The following TMEM182 variants were observed in gnomAD, a reference collection of about 807,000 sequenced individuals.
TMEM182 encodes the protein transmembrane protein 182.
A neutral mutation model predicts 26.8 loss-of-function variants in TMEM182; 20 were observed. The ratio of observed to expected loss-of-function variants is 0.75; its 90% CI spans 0.53 to 1.09. TMEM182 has a LOEUF of 1.09. Among genes scored for constraint, TMEM182 ranks in the 50% least tolerant of loss-of-function variants. The pLI, the probability that TMEM182 is intolerant of heterozygous loss-of-function variation, is 0.00. For synonymous variants in TMEM182, 109 were observed against 102.2 expected, an observed-to-expected ratio of 1.07 and a Z score of -0.40; for missense variants, 277 against 275.5, an observed-to-expected ratio of 1.01 and a Z score of -0.04.
At chr2:102,812,937 C>A (rs1349783251) in intron 4 of TMEM182, among the ~76,000 whole-genome samples, 3 of 152,160 alleles carry the variant, frequency 2.0e-5, no homozygotes, top group Non-Finnish European at 2.9e-5. Flanking sequence ...TGCTAGACAA[C>A]ACATGGAATT....
intron 1 of TMEM182, among the ~76,000 whole-genome samples, chr2:102,737,369 C>CTGA (rs1259905932): frequency 2.6e-5 from 4 of 152,110 alleles, no homozygotes; most frequent in African/African-American, 9.7e-5. Context: ...TGGTCTATGC[C>CTGA]TGAGTTGAGA....
At chr2:102,764,955 T>A (rs1471965012) in intron 3 of TMEM182, among the ~76,000 whole-genome samples, 2 of 151,996 alleles carry the variant, frequency 1.3e-5, no homozygotes, top group East Asian at 3.8e-4. Context: ...ATCATTAACT[T>A]AAAATCACAT....
At chr2:102,821,438 T>C (rs116731486), downstream of TMEM182, among the ~76,000 whole-genome samples, 1,296 of 152,176 alleles carry the variant, frequency 8.5e-3, 20 homozygotes, top group African/African-American at 0.03. Flanking sequence ...CTTCCTCCCC[T>C]ACTCTCTCTT....
chr2:102,823,623 A>G (rs1324301428), intron 3 of TMEM182, among the ~76,000 whole-genome samples: 1 of 152,184 alleles, frequency 6.6e-6, no homozygotes, highest in East Asian at 1.9e-4. Context: ...GTGAGCCACC[A>G]TGCCCAGCCA....
chr2:102,756,172 G>A (rs1680025946), intron 1 of TMEM182, among the ~76,000 whole-genome samples: 1 of 152,164 alleles, frequency 6.6e-6, no homozygotes. Context: ...AAATTAGTCT[G>A]GTTTGGTGAA....
chr2:102,780,566 G>T (rs1352037212), intron 3 of TMEM182, among the ~76,000 whole-genome samples: 2 of 152,268 alleles, frequency 1.3e-5, no homozygotes, highest in Non-Finnish European at 1.5e-5. Context: ...GTTAGAAGGG[G>T]CTACCTCATT....
In TMEM182 at chr2:102,817,357, T is replaced by TA. The variant is rs1335872747; in HGVS notation, c.*2390dup. 59 of 985,322 alleles carry TA rather than the reference T, an allele frequency of 6.0e-5. No individual in the cohort carries two copies. Among genetic ancestry groups the TA allele is most frequent in the Non-Finnish European group, 6.5e-5 (54 of 829,934 alleles). 61.0% of individuals were successfully genotyped at this position (985,322 alleles called of 1,614,324 possible). The stretch of plus-strand genomic sequence containing the variant: ...AATTTATCAAGGATATCTTTTCAGT[T>TA]ACACTTTTAGAAAGAGTGAATAAAA... On this transcript the variant is annotated 3_prime_UTR_variant, in exon 5 of 5. Coordinates refer to ENST00000412401, the MANE Select transcript of TMEM182 (RefSeq NM_144632.5).
At chr2:102,792,347 T>G (rs957733221) in intron 3 of TMEM182, among the ~76,000 whole-genome samples, 2 of 152,144 alleles carry the variant, frequency 1.3e-5, no homozygotes, top group African/African-American at 4.8e-5. Flanking sequence ...ATCCTCACTA[T>G]AAACCTATGA....
At chr2:102,747,762 G>C (rs1462993972) in intron 1 of TMEM182, among the ~76,000 whole-genome samples, 1 of 152,214 alleles carries the variant, frequency 6.6e-6, no homozygotes, top group Non-Finnish European at 1.5e-5. Context: ...CAGAGTTCTG[G>C]TGGTTTTAAA....
chr2:102,826,504 T>G (rs888756945), intron 3 of TMEM182, among the ~76,000 whole-genome samples: 1 of 151,992 alleles, frequency 6.6e-6, no homozygotes, highest in Non-Finnish European at 1.5e-5. Context: ...GCAGGGACAA[T>G]GAAAATGTTC....
chr2:102,753,176 A>G (rs1573491118), intron 1 of TMEM182, among the ~76,000 whole-genome samples: 1 of 141,186 alleles, frequency 7.1e-6, no homozygotes, highest in East Asian at 2.0e-4. Context: ...CAGGATTTTA[A>G]CAAATGAGTT....
intron 3 of TMEM182, among the ~76,000 whole-genome samples, chr2:102,788,419 C>T (rs1057077622): frequency 1.3e-5 from 2 of 152,082 alleles, no homozygotes; most frequent in African/African-American, 4.8e-5. Context: ...CTCACCTGGT[C>T]CCCTGGGGTG....
chr2:102,842,920 G>A (rs1016400235), intron 3 of TMEM182, among the ~76,000 whole-genome samples: 10 of 152,244 alleles, frequency 6.6e-5, no homozygotes, highest in Middle Eastern at 3.4e-3. Context: ...CAGGGATGCT[G>A]ATGACATACA....
rs183154740 is a variant in TMEM182, at chr2:102,843,690, C to G, written c.*115C>G. ...ATGTTTTTCTTGTAAATGCTTTATG[C>G]CTAAATGTTTCTGTACTACTCTTCT... On this transcript the variant is annotated 3_prime_UTR_variant, in exon 4 of 4. Transcript: ENST00000486293. 4 of 152,306 alleles carry G rather than the reference C, an allele frequency of 2.6e-5. No homozygotes were observed. In the East Asian group the frequency reaches 7.7e-4, roughly 29 times the overall value. 9.4% of individuals were successfully genotyped at this position (152,306 alleles called of 1,614,324 possible). A position where few individuals can be genotyped will look rare whatever the true frequency, so the allele number is the denominator to read the frequency against.
At position 102,814,979 on chromosome 2, in the gene TMEM182, G is replaced by A. The variant is rs1292595702; in HGVS notation, c.*11G>A. ...CAGATACATCACTAAATCAACTGTT[G>A]CCACAAGTATTTTCTTGAGAGATTT... On this transcript the variant is annotated 3_prime_UTR_variant, in exon 5 of 5. Transcript: ENST00000412401. 4 of 1,612,018 alleles carry A rather than the reference G, an allele frequency of 2.5e-6. No individual in the cohort carries two copies. Among genetic ancestry groups the A allele is most frequent in the Admixed American group, 3.4e-5 (2 of 59,660 alleles).
intron 3 of TMEM182, among the ~76,000 whole-genome samples, chr2:102,768,505 G>A (rs1157560965): frequency 6.6e-6 from 1 of 150,554 alleles, no homozygotes; most frequent in Non-Finnish European, 1.5e-5. Context: ...GGCCAACATG[G>A]TGAAATCCTA....
rs1323005882 is a variant in TMEM182, at chr2:102,816,503, G to A, written c.*1535G>A. ...AATCTTCAGGGCATTTTCATGACAG[G>A]ACTTGCCAATAATAATAATAATAAT... On this transcript the variant is annotated 3_prime_UTR_variant, in exon 5 of 5. Transcript: ENST00000412401. The A allele has an allele frequency of 1.1e-6, 1 of 902,934 alleles. No homozygotes were observed. The highest frequency in any genetic ancestry group is 2.0e-5 in the African/African-American group (1 of 49,006). 55.9% of individuals were successfully genotyped at this position (902,934 alleles called of 1,614,324 possible).
intron 3 of TMEM182, among the ~76,000 whole-genome samples, 200 bp downstream of exon 3, chr2:102,764,627 A>G (rs1184636443): frequency 6.6e-6 from 1 of 152,178 alleles, no homozygotes; most frequent in African/African-American, 2.4e-5. Flanking sequence ...TCTAAAAGTA[A>G]AGTCATTGTA....
chr2:102,787,858 A>G (rs977469595), intron 3 of TMEM182, among the ~76,000 whole-genome samples: 1 of 152,134 alleles, frequency 6.6e-6, no homozygotes, highest in Non-Finnish European at 1.5e-5. Flanking sequence ...AACCTCTCTG[A>G]GCCTCATCTG....
Sources: gnomAD v4.1 joint callset for allele counts (sites outside exome capture counted in the v4.1 genomes callset) on GRCh38, gnomAD v4.1.1 for gene constraint, MANE v1.5 for transcripts, NCBI Gene and HGNC (gene_info 2026-07-23, HGNC 2026-07-21) for gene names.